The following NDST4 variants were observed in gnomAD, a reference collection of about 807,000 sequenced individuals.
NDST4 encodes N-deacetylase and N-sulfotransferase 4.
Under a neutral mutation model 100.8 loss-of-function variants are expected in NDST4, and 63 were observed. The observed-to-expected ratio is 0.62, with a 90% CI of 0.51 to 0.77. The LOEUF (loss-of-function observed/expected upper bound fraction) is 0.77. Among genes scored for constraint, NDST4 ranks in the 30% least tolerant of loss-of-function variants. NDST4 has a pLI of 0.00. For missense variants in NDST4, 943 were observed against 1,018.4 expected, an observed-to-expected ratio of 0.93 and a Z score of 1.01; for synonymous variants, 377 against 361.8, an observed-to-expected ratio of 1.04 and a Z score of -0.48.
intron 1 of NDST4, among the ~76,000 whole-genome samples, chr4:115,094,802 G>A (rs2126296090): frequency 6.6e-6 from 1 of 152,222 alleles, no homozygotes; most frequent in South Asian, 2.1e-4. Context: ...GGAACTACCA[G>A]AAGCCAGAAG....
rs1560570027 is a variant in NDST4, at chr4:115,022,375, G to GTGTTCCATA, written c.979-45102_979-45101insTATGGAACA. Among the ~76,000 whole-genome samples the GTGTTCCATA allele has an allele frequency of 4.5e-5, 4 of 89,326 alleles. 1 individual carries two copies. Among genetic ancestry groups the GTGTTCCATA allele is most frequent in the South Asian group, 6.5e-4 (1 of 1,550 alleles). 58.6% of individuals were successfully genotyped at this position (89,326 alleles called of 152,430 possible). A position where few individuals can be genotyped will look rare whatever the true frequency, so the allele number is the denominator to read the frequency against. On this transcript the variant is annotated intron_variant, in intron 2 of 13. Transcript: ENST00000264363. ...TGTTCCACGTACATATGTGTTCCAT[G>GTGTTCCATA]TACATATGTGTTCCATATATATGTG... is the stretch of plus-strand genomic sequence containing the variant.
At chr4:115,010,861 A>T (rs116192829) in intron 2 of NDST4, among the ~76,000 whole-genome samples, 13 of 152,174 alleles carry the variant, frequency 8.5e-5, no homozygotes, top group Non-Finnish European at 1.5e-4. Flanking sequence ...GATGCTAGGC[A>T]CTTTGGTCAC....
intron 6 of NDST4, among the ~76,000 whole-genome samples, chr4:114,872,958 C>A (rs1001040805): frequency 4.6e-5 from 7 of 151,590 alleles, no homozygotes; most frequent in African/African-American, 1.7e-4. Flanking sequence ...AAAAGCAAGA[C>A]AAAGAACATA....
intron 2 of NDST4, among the ~76,000 whole-genome samples, chr4:115,037,113 T>C (rs558857109): frequency 6.6e-6 from 1 of 152,102 alleles, no homozygotes; most frequent in Non-Finnish European, 1.5e-5. Context: ...CTAAGATCAA[T>C]GAGGTTGTGA....
chr4:115,092,667 G>C (rs1194961332), intron 1 of NDST4, among the ~76,000 whole-genome samples: 3 of 152,148 alleles, frequency 2.0e-5, no homozygotes, highest in Non-Finnish European at 2.9e-5. Context: ...ATATTGGTAA[G>C]TTAAGGGTGT....
At chr4:114,848,402 AT>A (rs2126187260) in intron 8 of NDST4, 64 bp from the exon 9 acceptor site, 1 of 1,286,450 alleles carries the variant, frequency 7.8e-7, no homozygotes, top group East Asian at 2.4e-5. Flanking sequence ...ATTTTAGCAT[AT>A]TTTTGCTCAA....
At chr4:114,999,272 T>C (rs1182855578) in intron 2 of NDST4, among the ~76,000 whole-genome samples, 1 of 152,108 alleles carries the variant, frequency 6.6e-6, no homozygotes, top group Non-Finnish European at 1.5e-5. Flanking sequence ...GTCTTGCTTC[T>C]GAGTCCTTGT....
intron 3 of NDST4, 68 bp downstream of exon 3, chr4:114,977,119 T>A: frequency 9.7e-7 from 1 of 1,029,466 alleles, no homozygotes; most frequent in South Asian, 1.5e-5. Context: ...TCTCTACCAC[T>A]TATGAATCAT....
At chr4:115,057,630 G>A (rs1728723937) in intron 2 of NDST4, among the ~76,000 whole-genome samples, 1 of 151,988 alleles carries the variant, frequency 6.6e-6, no homozygotes, top group South Asian at 2.1e-4. Context: ...GTACTCGAAT[G>A]AGTGATTTTA....
chr4:114,833,567 A>C (rs765468310), intron 12 of NDST4, 39 bp downstream of exon 12: 1 of 1,337,158 alleles, frequency 7.5e-7, no homozygotes, highest in Admixed American at 1.7e-5. Flanking sequence ...TTATGATGGC[A>C]AATAATGGAA....
chr4:114,828,035 G>A lies in NDST4; in HGVS notation c.2500-100C>T, dbSNP rs1292111246. 5.0e-6 allele frequency: 5 copies of A among 1,007,580 alleles called. No individual in the cohort carries two copies. The East Asian group carries it at 8.5e-5, about 17-fold the overall frequency. The allele number at this position is 1,007,580 out of a possible 1,614,324, so 62.4% of individuals were successfully genotyped here. On this transcript the variant is annotated intron_variant, in intron 13 of 13. Coordinates refer to ENST00000264363, the MANE Select transcript of NDST4 (RefSeq NM_022569.3). ...AAGGAATATATCTACTACAGTATACGTGTCTACAACATATTATATTTCTTG... is the reference window on the plus strand; with the variant it reads ...AAGGAATATATCTACTACAGTATACATGTCTACAACATATTATATTTCTTG...
At chr4:115,004,236 C>CA (rs1265403303) in intron 2 of NDST4, among the ~76,000 whole-genome samples, 12 of 152,006 alleles carry the variant, frequency 7.9e-5, no homozygotes, top group East Asian at 5.8e-4. Flanking sequence ...CAATTAAAAC[C>CA]AAAAAAATTA....
chr4:114,982,844 T>C (rs279514), intron 2 of NDST4, among the ~76,000 whole-genome samples: 132,462 of 152,084 alleles, frequency 0.87, 58,170 homozygotes, highest in African/African-American at 0.92. Flanking sequence ...GTTTCTTGGG[T>C]CAAATTCATG....
At chr4:115,005,214 C>T (rs144509071) in intron 2 of NDST4, among the ~76,000 whole-genome samples, 1 of 152,232 alleles carries the variant, frequency 6.6e-6, no homozygotes, top group Middle Eastern at 3.4e-3. Context: ...GAGAACAATA[C>T]ACACAAATGG....
chr4:114,930,113 T>G (rs968724197), intron 6 of NDST4, among the ~76,000 whole-genome samples: 4 of 152,226 alleles, frequency 2.6e-5, no homozygotes, highest in Non-Finnish European at 4.4e-5. Context: ...AACATTTACA[T>G]CTCAATTTTT....
At chr4:114,970,399 T>G (rs374110364) in intron 4 of NDST4, 31 bp downstream of exon 4, 71 of 1,592,794 alleles carry the variant, frequency 4.5e-5, no homozygotes, top group Non-Finnish European at 4.9e-5. Context: ...CAACTTATAG[T>G]TCAAAAGATA....
chr4:114,861,678 C>G (rs1309286211), intron 7 of NDST4, among the ~76,000 whole-genome samples: 12 of 152,072 alleles, frequency 7.9e-5, no homozygotes, highest in Admixed American at 3.9e-4. Context: ...CTTGGAGTAT[C>G]TTTAGCCAAC....
chr4:115,048,097 A>ATTT (rs34190385), intron 2 of NDST4, among the ~76,000 whole-genome samples: 2,770 of 146,948 alleles, frequency 0.019, 93 homozygotes, highest in African/African-American at 0.063. Context: ...GAAGTTTATA[A>ATTT]TTTTTTTTTT....
At chr4:114,998,134 C>A (rs1190450219) in intron 2 of NDST4, among the ~76,000 whole-genome samples, 1 of 151,980 alleles carries the variant, frequency 6.6e-6, no homozygotes. Context: ...GGTTCTTATC[C>A]CTTGCCTGCT....
Sources: gnomAD v4.1 joint callset for allele counts (sites outside exome capture counted in the v4.1 genomes callset) on GRCh38, gnomAD v4.1.1 for gene constraint, MANE v1.5 for transcripts, NCBI Gene and HGNC (gene_info 2026-07-23, HGNC 2026-07-21) for gene names.